Variants in THADA observed in about 807,000 individuals in gnomAD.
THADA encodes the protein THADA armadillo repeat containing, also known as tRNA (32-2'-O)-methyltransferase regulator THADA.
In THADA, 213 loss-of-function variants were observed where a neutral mutation model predicts 219.8. The observed-to-expected ratio is 0.97, with a 90% CI of 0.87 to 1.09. The LOEUF (loss-of-function observed/expected upper bound fraction) is 1.09, where lower values mean the gene tolerates loss of function less well. Among genes scored for constraint, THADA ranks in the 50% least tolerant of loss-of-function variants. The pLI is 0.00. For synonymous variants in THADA, 1,018 were observed against 828.9 expected (o/e 1.23, Z -3.92); for missense variants, 2,956 against 2,311.3 (o/e 1.28, Z -5.72).
intron 22 of THADA, among the ~76,000 whole-genome samples, chr2:43,513,657 T>C (rs1456574663): frequency 6.6e-6 from 1 of 152,070 alleles, no homozygotes; most frequent in Non-Finnish European, 1.5e-5. Context: ...CTACCTAATC[T>C]AGTTCCTCTG....
chr2:43,589,996 G>A (rs937524814), intron 4 of THADA, among the ~76,000 whole-genome samples: 6 of 151,890 alleles, frequency 4.0e-5, no homozygotes, highest in South Asian at 2.1e-4. Context: ...GTATAATCTC[G>A]TTTACAGATA....
Position 43,231,088 on chromosome 2 carries a change from C to T in THADA, c.5722G>A (p.Glu1908Lys). The T allele has an allele frequency of 6.2e-7, 1 of 1,613,990 alleles. No homozygotes were observed. Among genetic ancestry groups the T allele is most frequent in the Non-Finnish European group, 8.5e-7 (1 of 1,179,872 alleles). ...TVEFTRLRIQ[E>K]ERTLACLRLL... ...CTCAAGCAAGCCAAAGTCCTTTCCT[C>T]TTGAATGCGTAGTCTTGTGAACTCC... The change falls in exon 38 of 38, where the codon GAG (glutamate) becomes AAG (lysine). Residue 1908 changes from glutamate to lysine, a missense_variant. By Grantham distance (56) the Glu-to-Lys change is moderately conservative. Coordinates refer to ENST00000405975, the MANE Select transcript of THADA (RefSeq NM_022065.5).
chr2:43,416,338 A>G (rs1458942291), intron 28 of THADA, among the ~76,000 whole-genome samples: 3 of 152,194 alleles, frequency 2.0e-5, no homozygotes, highest in African/African-American at 7.2e-5. Context: ...ATTTTTCCAC[A>G]GTTTCTGCTA....
At chr2:43,332,707 G>A (rs1665932900) in intron 30 of THADA, among the ~76,000 whole-genome samples, 1 of 152,190 alleles carries the variant, frequency 6.6e-6, no homozygotes, top group Admixed American at 6.5e-5. Flanking sequence ...CTTGCAAGCT[G>A]AGCAATGACA....
At position 43,434,048 on chromosome 2, in the gene THADA, A is replaced by G. The variant is rs143245459; in HGVS notation, c.3837-3746T>C. Among the ~76,000 whole-genome samples, 11 of 152,336 alleles carry G rather than the reference A, an allele frequency of 7.2e-5. No homozygotes were observed. In the East Asian group the frequency reaches 1.5e-3, roughly 21 times the overall value. On this transcript the variant is annotated intron_variant, in intron 26 of 37. Coordinates refer to ENST00000405975, the MANE Select transcript of THADA (RefSeq NM_022065.5). ...TCAAGGGCCAAGAGTAAGAGTAGCA[A>G]AGATAATCTTAAAGAAGAACAAGGT...
intron 31 of THADA, among the ~76,000 whole-genome samples, chr2:43,311,104 A>C (rs1264516604): frequency 6.6e-6 from 1 of 151,924 alleles, no homozygotes; most frequent in Non-Finnish European, 1.5e-5. Context: ...TGAAACCGGG[A>C]GGCGGAGGTT....
intron 26 of THADA, among the ~76,000 whole-genome samples, chr2:43,451,706 CTCT>C (rs1414104103): frequency 1.3e-5 from 2 of 152,174 alleles, no homozygotes; most frequent in Middle Eastern, 3.2e-3. Context: ...ATTACAGAAA[CTCT>C]TCTTTGTTAA....
At chr2:43,508,602 C>A in intron 23 of THADA, 46 bp downstream of exon 23, 1 of 1,592,118 alleles carries the variant, frequency 6.3e-7, no homozygotes, top group African/African-American at 1.3e-5. Context: ...ACACTATCAT[C>A]AAAAGACAAA....
At chr2:43,328,354 T>G (rs1476686818) in intron 30 of THADA, among the ~76,000 whole-genome samples, 3 of 151,932 alleles carry the variant, frequency 2.0e-5, no homozygotes, top group Non-Finnish European at 4.4e-5. Flanking sequence ...CTGGGGGAGG[T>G]GTGACGGCAG....
intron 25 of THADA, among the ~76,000 whole-genome samples, chr2:43,495,207 T>C (rs1688115114): frequency 1.3e-5 from 2 of 152,216 alleles, no homozygotes; most frequent in South Asian, 2.1e-4. Context: ...ATAAATTTTA[T>C]CTTAGATTTT....
At chr2:43,250,874 A>AAT in intron 36 of THADA, among the ~76,000 whole-genome samples, 1 of 152,328 alleles carries the variant, frequency 6.6e-6, no homozygotes, top group Non-Finnish European at 1.5e-5. Context: ...ATTTGCTTTA[A>AAT]AGGGATTGGG....
At position 43,572,976 on chromosome 2, in the gene THADA, G is replaced by A. The variant is rs778331107; in HGVS notation, c.1746C>T (p.Phe582=). ...IDAKTGQEQS[F]PSLGSCNSRG... is the part of the protein sequence containing the mutation. The stretch of plus-strand genomic sequence containing the variant: ...TGCTATTACAAGACCCTAAGGATGG[G>A]AAAGATTGCTCTTGTCCTGAAAGCA... Residue 582 remains phenylalanine, a synonymous_variant, in exon 12 of 38, where the codon TTC becomes TTT. Coordinates refer to ENST00000405975, the MANE Select transcript of THADA (RefSeq NM_022065.5). The A allele has an allele frequency of 1.2e-6, 2 of 1,613,542 alleles. No individual in the cohort carries two copies. The highest frequency in any genetic ancestry group is 1.7e-6 in the Non-Finnish European group (2 of 1,179,678).
chr2:43,327,048 A>G (rs1461157165), intron 30 of THADA, among the ~76,000 whole-genome samples: 1 of 152,066 alleles, frequency 6.6e-6, no homozygotes, highest in African/African-American at 2.4e-5. Context: ...AGAGCTTATG[A>G]TCTTGTTGGG....
chr2:43,277,487 C>T (rs942928196), intron 36 of THADA, among the ~76,000 whole-genome samples: 21 of 152,190 alleles, frequency 1.4e-4, no homozygotes, highest in Admixed American at 1.1e-3. Context: ...ACTCTCCAGA[C>T]CCTTTCCAGA....
intron 29 of THADA, among the ~76,000 whole-genome samples, chr2:43,367,934 T>C (rs1004119410): frequency 6.6e-6 from 1 of 152,080 alleles, no homozygotes; most frequent in African/African-American, 2.4e-5. Flanking sequence ...CTGGCCAATA[T>C]GGTGAAACCC....
At chr2:43,278,530 G>A (rs900193168) in intron 36 of THADA, among the ~76,000 whole-genome samples, 2 of 152,160 alleles carry the variant, frequency 1.3e-5, no homozygotes, top group Non-Finnish European at 2.9e-5. Context: ...TTAGCTATTG[G>A]GCAAGTCTGG....
intron 25 of THADA, among the ~76,000 whole-genome samples, chr2:43,495,984 G>A (rs1015035890): frequency 6.6e-6 from 1 of 152,234 alleles, no homozygotes; most frequent in South Asian, 2.1e-4. Flanking sequence ...TTCTAGGCAA[G>A]AGTTGGCAAC....
intron 30 of THADA, among the ~76,000 whole-genome samples, chr2:43,334,891 C>T (rs1222123366): frequency 1.3e-5 from 2 of 152,214 alleles, no homozygotes; most frequent in African/African-American, 4.8e-5. Context: ...GGCCATGAAG[C>T]CCCTCAACAC....
chr2:43,299,856 G>A (rs559140728), intron 31 of THADA, among the ~76,000 whole-genome samples: 16 of 88,958 alleles, frequency 1.8e-4, no homozygotes, highest in African/African-American at 3.6e-4. Context: ...GCGAAACCCC[G>A]CCTCTACTAA....
Sources: allele counts gnomAD v4.1 joint callset (sites outside exome capture counted in the v4.1 genomes callset), GRCh38; gene constraint gnomAD v4.1.1; transcripts MANE v1.5; gene names NCBI Gene and HGNC (gene_info 2026-07-23, HGNC 2026-07-21).